C8orf34: variants seen among roughly 807,000 people sequenced by gnomAD.
The protein encoded by C8orf34 is uncharacterized protein C8orf34.
Under a neutral mutation model 68.3 loss-of-function variants are expected in C8orf34, and 65 were observed. The observed-to-expected ratio is 0.95, with a 90% CI of 0.78 to 1.17. The LOEUF (loss-of-function observed/expected upper bound fraction) is 1.17. Ranked by LOEUF, C8orf34 falls within the 50% of genes most tolerant of loss-of-function variation. The pLI is 0.00. For synonymous variants in C8orf34, 244 were observed against 241.2 expected, an observed-to-expected ratio of 1.01 and a Z score of -0.11; for missense variants, 664 against 655.4, an observed-to-expected ratio of 1.01 and a Z score of -0.14.
At chr8:68,353,587 G>T in intron 1 of C8orf34, among the ~76,000 whole-genome samples, 1 of 145,490 alleles carries the variant, frequency 6.9e-6, no homozygotes, top group Non-Finnish European at 1.5e-5. Flanking sequence ...ATACACAGTT[G>T]ATGTATATAT....
At chr8:68,392,242 G>A (rs1808507680) in intron 1 of C8orf34, among the ~76,000 whole-genome samples, 1 of 151,514 alleles carries the variant, frequency 6.6e-6, no homozygotes, top group Admixed American at 6.6e-5. Context: ...TTTGAATTAA[G>A]AACCTAATTT....
intron 1 of C8orf34, among the ~76,000 whole-genome samples, chr8:68,348,137 T>A (rs1261165542): frequency 6.6e-6 from 1 of 152,218 alleles, no homozygotes; most frequent in East Asian, 1.9e-4. Context: ...TTGATTTTTG[T>A]GTATGATGTA....
At chr8:68,589,416 G>A (rs1391670081) in intron 7 of C8orf34, among the ~76,000 whole-genome samples, 1 of 150,216 alleles carries the variant, frequency 6.7e-6, no homozygotes, top group African/African-American at 2.5e-5. Context: ...AAAATAAGAG[G>A]TGGGAGAGAA....
At position 68,616,075 on chromosome 8, in the gene C8orf34, T is replaced by C. The variant is rs1283773323; in HGVS notation, c.1106-24301T>C. ...TCTTCTAGATTTTCTAGTTTATTTGTGTAGAGGTGTTTGTAGTATTCTCTG... is the reference window on the plus strand; with the variant it reads ...TCTTCTAGATTTTCTAGTTTATTTGCGTAGAGGTGTTTGTAGTATTCTCTG... On this transcript the variant is annotated intron_variant, in intron 7 of 13. Coordinates refer to ENST00000518698, the MANE Select transcript of C8orf34 (RefSeq NM_052958.4). Among the ~76,000 whole-genome samples the C allele has an allele frequency of 1.8e-3, 276 of 151,424 alleles. 1 individual carries two copies. Among genetic ancestry groups the C allele is most frequent in the African/African-American group, 4.9e-3 (200 of 40,954 alleles).
chr8:68,452,108 C>G (rs1367074409), intron 3 of C8orf34, among the ~76,000 whole-genome samples: 1 of 151,872 alleles, frequency 6.6e-6, no homozygotes, highest in African/African-American at 2.4e-5. Context: ...TTTTGTTTAT[C>G]CATTCATCTG....
chr8:68,521,334 C>T (rs563944611), intron 5 of C8orf34, among the ~76,000 whole-genome samples: 1 of 152,286 alleles, frequency 6.6e-6, no homozygotes, highest in East Asian at 1.9e-4. Context: ...TCTACTGGAT[C>T]CTGAAATGTC....
chr8:68,720,140 A>G (rs1821629165), intron 9 of C8orf34, among the ~76,000 whole-genome samples: 1 of 152,022 alleles, frequency 6.6e-6, no homozygotes. Context: ...GAAAAGTAGT[A>G]AGTAAAATCT....
intron 12 of C8orf34, among the ~76,000 whole-genome samples, chr8:68,810,888 C>T (rs1278165721): frequency 2.0e-5 from 3 of 152,164 alleles, no homozygotes; most frequent in African/African-American, 7.2e-5. Flanking sequence ...ACTGACTGGT[C>T]CATGCGTGCG....
chr8:68,647,028 T>C (rs1004129403), intron 8 of C8orf34, among the ~76,000 whole-genome samples: 2 of 152,140 alleles, frequency 1.3e-5, no homozygotes, highest in South Asian at 2.1e-4. Flanking sequence ...GGAGAAAATA[T>C]TTGTAAACCA....
At chr8:68,598,874 A>G (rs1033573613) in intron 7 of C8orf34, among the ~76,000 whole-genome samples, 2 of 152,144 alleles carry the variant, frequency 1.3e-5, no homozygotes, top group African/African-American at 4.8e-5. Context: ...ATTTTCTGTT[A>G]TGAGAGGACA....
chr8:68,384,554 T>C (rs1379820058), intron 1 of C8orf34, among the ~76,000 whole-genome samples: 2 of 152,188 alleles, frequency 1.3e-5, no homozygotes, highest in South Asian at 2.1e-4. Context: ...ACAACAAACA[T>C]TGTGTTTTTA....
At chr8:68,477,674 G>T (rs1322165249) in intron 4 of C8orf34, among the ~76,000 whole-genome samples, 2 of 152,198 alleles carry the variant, frequency 1.3e-5, no homozygotes, top group Non-Finnish European at 2.9e-5. Flanking sequence ...CCTAGCATAG[G>T]CTCTCCATGA....
chr8:68,547,601 C>A (rs570038932), intron 7 of C8orf34, among the ~76,000 whole-genome samples: 20 of 151,842 alleles, frequency 1.3e-4, no homozygotes, highest in Middle Eastern at 6.8e-3. Flanking sequence ...GATGAATACC[C>A]CTTATACACA....
intron 7 of C8orf34, among the ~76,000 whole-genome samples, chr8:68,577,316 G>A (rs1193732391): frequency 6.6e-6 from 1 of 151,970 alleles, no homozygotes; most frequent in Non-Finnish European, 1.5e-5. Flanking sequence ...TTTAATTTAA[G>A]TGATTTAGAC....
chr8:68,391,107 C>G (rs1024847991), intron 1 of C8orf34, among the ~76,000 whole-genome samples: 2 of 152,118 alleles, frequency 1.3e-5, no homozygotes, highest in African/African-American at 4.8e-5. Flanking sequence ...CAAATTGACA[C>G]ATAAAACTAA....
intron 1 of C8orf34, among the ~76,000 whole-genome samples, chr8:68,401,861 T>TTGTG (rs34713905): frequency 0.44 from 65,053 of 148,886 alleles, 14,201 homozygotes; most frequent in Non-Finnish European, 0.5. Flanking sequence ...CAGTTCTCTT[T>TTGTG]TGTGTGTGTG....
At chr8:68,418,970 A>G (rs1375624529) in intron 1 of C8orf34, among the ~76,000 whole-genome samples, 3 of 149,144 alleles carry the variant, frequency 2.0e-5, no homozygotes, top group Admixed American at 1.3e-4. Flanking sequence ...CAAAAGCCAA[A>G]ATTGACAAAT....
At chr8:68,371,429 T>C (rs1807555450) in intron 1 of C8orf34, among the ~76,000 whole-genome samples, 1 of 145,308 alleles carries the variant, frequency 6.9e-6, no homozygotes, top group African/African-American at 2.8e-5. Flanking sequence ...TTTATGACAT[T>C]CTATATGACA....
At chr8:68,371,545 C>T (rs1807562528) in intron 1 of C8orf34, among the ~76,000 whole-genome samples, 1 of 151,286 alleles carries the variant, frequency 6.6e-6, no homozygotes, top group Non-Finnish European at 1.5e-5. Flanking sequence ...AATTCTCTGA[C>T]TATGACTTGG....
Sources: gnomAD v4.1 joint callset for allele counts (sites outside exome capture counted in the v4.1 genomes callset) on GRCh38, gnomAD v4.1.1 for gene constraint, MANE v1.5 for transcripts, NCBI Gene and HGNC (gene_info 2026-07-23, HGNC 2026-07-21) for gene names.